DOCK9: variants seen among roughly 807,000 people sequenced by gnomAD.
DOCK9 encodes dedicator of cytokinesis protein 9.
A neutral mutation model predicts 263.3 loss-of-function variants in DOCK9; 89 were observed. That is an observed-to-expected ratio of 0.34 (90% CI 0.28 to 0.40). The LOEUF is 0.40. DOCK9 is among the 10% of genes least tolerant of loss of function. DOCK9 has a pLI of 1.00. For synonymous variants in DOCK9, 976 were observed against 973.1 expected, an observed-to-expected ratio of 1.00 and a Z score of -0.06; for missense variants, 2,140 against 2,603.4, an observed-to-expected ratio of 0.82 and a Z score of 3.87.
In DOCK9 at chr13:98,901,962, G is replaced by A; in HGVS notation, c.1381-62C>T. 3.8e-6 allele frequency: 6 copies of A among 1,579,788 alleles called. No individual in the cohort carries two copies. In the South Asian group the frequency reaches 4.6e-5, roughly 12 times the overall value. ...CACAGCTACGTTAAACAAATCCCAT[G>A]AACATTAAACAGCAAAGAACAGTGA... is the stretch of plus-strand genomic sequence containing the variant. On this transcript the variant is annotated intron_variant, in intron 12 of 52. Transcript: ENST00000682017.
intron 1 of DOCK9, among the ~76,000 whole-genome samples, chr13:99,001,490 T>C (rs1157750374): frequency 6.6e-6 from 1 of 152,252 alleles, no homozygotes; most frequent in East Asian, 1.9e-4. Flanking sequence ...TTCATTCAGT[T>C]TCTCTTGTGT....
At position 98,794,496 on chromosome 13, in the gene DOCK9, T is replaced by C; in HGVS notation, c.*130A>G. The stretch of plus-strand genomic sequence containing the variant: ...AAAGTCTGTTAAGAAATAACGTTGT[T>C]CTTTATTTCCTTTCTCTCCCCTTCC... On this transcript the variant is annotated 3_prime_UTR_variant, in exon 53 of 53. Transcript: ENST00000682017. 1 of 997,360 alleles carries C rather than the reference T, an allele frequency of 1.0e-6. No individual in the cohort carries two copies. Among genetic ancestry groups the C allele is most frequent in the Middle Eastern group, 3.0e-4 (1 of 3,348 alleles). The allele number at this position is 997,360 out of a possible 1,614,324, so 61.8% of individuals were successfully genotyped here. A position where few individuals can be genotyped will look rare whatever the true frequency, so the allele number is the denominator to read the frequency against.
At chr13:99,049,622 T>G (rs887462494) in intron 1 of DOCK9, among the ~76,000 whole-genome samples, 1 of 152,106 alleles carries the variant, frequency 6.6e-6, no homozygotes, top group Non-Finnish European at 1.5e-5. Flanking sequence ...GCTCAAGTGA[T>G]TCTCCTGCCT....
intron 1 of DOCK9, among the ~76,000 whole-genome samples, chr13:99,019,999 G>A (rs1194808409): frequency 6.6e-6 from 1 of 152,212 alleles, no homozygotes; most frequent in African/African-American, 2.4e-5. Flanking sequence ...CTACTGGGGA[G>A]GCTGATGCAG....
rs368698548 is a variant in DOCK9, at chr13:98,807,709, C to T, written c.5466G>A (p.Ser1822=). Residue 1822 remains serine, a synonymous_variant, in exon 48 of 53, where the codon TCG becomes TCA. Coordinates refer to ENST00000682017, the MANE Select transcript of DOCK9 (RefSeq NM_001366683.2). ...EISQRLLKLY[S]DKFGSENVKM... ...TGACATTTTCAGAACCAAATTTATC[C>T]GAGTACAGTTTAAGGAGTCTCTGAG... The T allele has an allele frequency of 1.3e-5, 21 of 1,613,012 alleles. No homozygotes were observed. Among genetic ancestry groups the T allele is most frequent in the East Asian group, 2.2e-5 (1 of 44,880 alleles).
chr13:98,823,407 T>C (rs1204102083), intron 45 of DOCK9, among the ~76,000 whole-genome samples: 2 of 152,166 alleles, frequency 1.3e-5, no homozygotes, highest in Non-Finnish European at 2.9e-5. Context: ...AGGGCCTGCC[T>C]CCCTGGCATG....
rs376038803 is a variant in DOCK9, at chr13:99,047,559, C to A, written c.129+38664G>T. The stretch of plus-strand genomic sequence containing the variant: ...TTTGAGACGGAGTCTCGCCCAGTCG[C>A]CTAGGCTGGAGTGCAGTGGTGCCAT... On this transcript the variant is annotated intron_variant, in intron 1 of 32. Coordinates refer to the DOCK9 transcript ENST00000427887. 9.3e-4 allele frequency among the ~76,000 whole-genome samples: 139 copies of A among 149,630 alleles called. 2 individuals are homozygous for A. The highest frequency in any genetic ancestry group is 3.4e-3 in the African/African-American group (137 of 40,558).
chr13:98,797,536 C>T (rs1347897997), intron 50 of DOCK9, 47 bp from the exon 51 acceptor site: 1 of 1,499,140 alleles, frequency 6.7e-7, no homozygotes, highest in Non-Finnish European at 9.2e-7. Flanking sequence ...AGAAAATCAC[C>T]ATGACCATCT....
intron 26 of DOCK9, among the ~76,000 whole-genome samples, 198 bp from the exon 27 acceptor site, chr13:98,880,167 T>G (rs2044509565): frequency 6.6e-6 from 1 of 151,986 alleles, no homozygotes. Context: ...AACAAAGAGC[T>G]GCATCCTGCC....
intron 1 of DOCK9, among the ~76,000 whole-genome samples, chr13:98,957,145 G>A (rs921976708): frequency 1.3e-4 from 20 of 152,144 alleles, no homozygotes; most frequent in Non-Finnish European, 2.2e-4. Context: ...AGGATCCAAC[G>A]CAGAACTGGG....
chr13:98,873,574 G>A (rs2094245913), intron 27 of DOCK9, among the ~76,000 whole-genome samples: 1 of 152,216 alleles, frequency 6.6e-6, no homozygotes, highest in African/African-American at 2.4e-5. Context: ...TGGTAGTGAT[G>A]TGGCAGTGCA....
chr13:99,031,795 T>C (rs1329617275), intron 1 of DOCK9, among the ~76,000 whole-genome samples: 4 of 152,190 alleles, frequency 2.6e-5, no homozygotes, highest in African/African-American at 7.2e-5. Flanking sequence ...CCTTCTTCCA[T>C]GGAAGATGAG....
chr13:98,809,582 C>T, intron 46 of DOCK9, 117 bp from the exon 47 acceptor site: 1 of 820,816 alleles, frequency 1.2e-6, no homozygotes, highest in Non-Finnish European at 1.9e-6. Flanking sequence ...AATACACACA[C>T]ACACATTTTG....
chr13:98,931,459 C>T (rs1447938197), intron 2 of DOCK9, among the ~76,000 whole-genome samples: 5 of 151,920 alleles, frequency 3.3e-5, no homozygotes, highest in African/African-American at 9.7e-5. Context: ...CCACCATGCC[C>T]AACTAATTTT....
chr13:98,931,071 A>C lies in DOCK9; in HGVS notation c.244-814T>G, dbSNP rs73560685. On this transcript the variant is annotated intron_variant, in intron 2 of 52. Transcript: ENST00000682017. The stretch of plus-strand genomic sequence containing the variant: ...GTTCACTGCCACATCCCCAGCGCCT[A>C]AGAGCATAGATAACTAGACACACAG... 7.6e-3 allele frequency among the ~76,000 whole-genome samples: 1,165 copies of C among 152,330 alleles called. 15 individuals are homozygous for C. The highest frequency in any genetic ancestry group is 0.027 in the African/African-American group (1,130 of 41,592).
chr13:98,946,820 G>C (rs1235974999), intron 2 of DOCK9, among the ~76,000 whole-genome samples: 2 of 152,034 alleles, frequency 1.3e-5, no homozygotes, highest in African/African-American at 2.4e-5. Context: ...CAACTCCACA[G>C]CCCTTTCCTG....
chr13:98,951,369 ATAACC>A (rs1333685473), intron 2 of DOCK9, among the ~76,000 whole-genome samples: 5 of 152,240 alleles, frequency 3.3e-5, no homozygotes, highest in African/African-American at 1.2e-4. Flanking sequence ...ATCAAAGAAA[ATAACC>A]TAATGCTTGT....
At chr13:98,957,644 A>G (rs2058204979) in intron 1 of DOCK9, among the ~76,000 whole-genome samples, 2 of 152,124 alleles carry the variant, frequency 1.3e-5, no homozygotes, top group Non-Finnish European at 2.9e-5. Flanking sequence ...AAAAAAAAAA[A>G]GATTTACTCT....
chr13:98,875,291 A>T (rs759412476), intron 27 of DOCK9, among the ~76,000 whole-genome samples: 3 of 150,736 alleles, frequency 2.0e-5, no homozygotes, highest in Non-Finnish European at 4.4e-5. Flanking sequence ...TACTGGTAGA[A>T]TGCATACTAG....
Sources: allele counts gnomAD v4.1 joint callset (sites outside exome capture counted in the v4.1 genomes callset), GRCh38; gene constraint gnomAD v4.1.1; transcripts MANE v1.5; gene names NCBI Gene and HGNC (gene_info 2026-07-23, HGNC 2026-07-21).